The following SEC16A variants were observed in gnomAD, a reference collection of about 807,000 sequenced individuals.
SEC16A encodes the protein SEC16 homolog A, endoplasmic reticulum export factor.
SEC16A carries 110 observed loss-of-function variants against 221.9 expected under a neutral mutation model. The observed-to-expected ratio is 0.50, with a 90% CI of 0.42 to 0.58. The LOEUF is 0.58. SEC16A is among the 20% of genes least tolerant of loss of function. The pLI is 0.00. For missense variants in SEC16A, 3,165 were observed against 3,097.8 expected (o/e 1.02, Z -0.52); for synonymous variants, 1,393 against 1,257.7 (o/e 1.11, Z -2.28).
upstream of SEC16A, chr9:136,483,135 C>A: frequency 3.8e-6 from 2 of 533,174 alleles, no homozygotes; most frequent in Non-Finnish European, 4.8e-6. Flanking sequence ...GCTCGTCGGC[C>A]CAGACGCGTT....
At position 136,474,422 on chromosome 9, in the gene SEC16A, TG is replaced by T; in HGVS notation, c.3193del (p.Gln1065SerfsTer399). 2 of 1,613,052 alleles carry T rather than the reference TG, an allele frequency of 1.2e-6. No homozygotes were observed. The highest frequency in any genetic ancestry group is 1.7e-6 in the Non-Finnish European group (2 of 1,179,904). On this transcript the variant is annotated frameshift_variant, in exon 3 of 32. Transcript: ENST00000684901. LOFTEE classifies it high-confidence loss of function. ...TAGTTGTGGGGGAGAAGCCTGTTGC[TG>T]GGGTGGCACCAGCTCCTGCTGGGCT... ...ERAQQELVPP[Q>X]QQASPPQLPK... is the part of the protein sequence containing the mutation.
In SEC16A at chr9:136,475,945, TTCA is replaced by T; in HGVS notation, c.1668_1670del (p.Asp556del). 1 of 1,613,656 alleles carries T rather than the reference TTCA, an allele frequency of 6.2e-7. No homozygotes were observed. The highest frequency in any genetic ancestry group is 8.5e-7 in the Non-Finnish European group (1 of 1,179,876). ...TTTGCTTAAAAAAACTACCTGAAGCTTCATCCTCGGGTTTTCCAACTTCTTGCT... is the reference window on the plus strand; with the variant it reads ...TTTGCTTAAAAAAACTACCTGAAGCTTCCTCGGGTTTTCCAACTTCTTGCT... On this transcript the variant is annotated inframe_deletion, in exon 3 of 32. Coordinates refer to ENST00000684901, the MANE Select transcript of SEC16A (RefSeq NM_014866.2). The surrounding 1 kb of genome is among the most constrained non-coding windows in gnomAD (Gnocchi z 5.0).
At chr9:136,471,284 T>G (rs1264181735) in intron 4 of SEC16A, among the ~76,000 whole-genome samples, 2 of 150,286 alleles carry the variant, frequency 1.3e-5, no homozygotes, top group African/African-American at 2.4e-5. Flanking sequence ...CTGGCCAACA[T>G]AGTGAGACCC....
chr9:136,479,619 T>C (rs941685570), intron 1 of SEC16A, among the ~76,000 whole-genome samples: 7 of 152,186 alleles, frequency 4.6e-5, no homozygotes, highest in African/African-American at 1.4e-4. Context: ...CCCAAAGTGC[T>C]GGGATTACAG....
At position 136,459,503 on chromosome 9, in the gene SEC16A, C is replaced by T. The variant is rs769057856; in HGVS notation, c.5244G>A (p.Ala1748=). The T allele has an allele frequency of 1.2e-5, 19 of 1,607,434 alleles. No homozygotes were observed. Among genetic ancestry groups the T allele is most frequent in the South Asian group, 7.8e-5 (7 of 89,844 alleles). Residue 1748 remains alanine (A), a synonymous_variant, in exon 16 of 32, where the codon GCG becomes GCA. Transcript: ENST00000684901. The surrounding 1 kb of genome is among the most constrained non-coding windows in gnomAD (Gnocchi z 6.1). The stretch of plus-strand genomic sequence containing the variant: ...TTTTCTTCGTGTAAACACCAAATCC[C>T]GCCTGGGCCATGAGGTAGCAGAAGT... The part of the protein sequence containing the change: ...AAHFCYLMAQ[A]GFGVYTKKTT...
Position 136,455,748 on chromosome 9 carries a change from A to T in SEC16A, c.5710T>A (p.Cys1904Ser). Reference sequence around the variant, plus strand: ...ATCTCGGAACTCGGAGTGCCAGGACACTGCTGCGGGAGGGCTCCATCCTGA... The same window carrying T: ...ATCTCGGAACTCGGAGTGCCAGGACTCTGCTGCGGGAGGGCTCCATCCTGA... ...WHQDGALPQQCPGTPSSEMEQ... is the reference protein window; with the variant it reads ...WHQDGALPQQSPGTPSSEMEQ... Residue 1904 changes from cysteine to serine, a missense_variant, in exon 20 of 32, where the codon TGT becomes AGT. Coordinates refer to ENST00000684901, the MANE Select transcript of SEC16A (RefSeq NM_014866.2). 1 of 1,600,108 alleles carries T rather than the reference A, an allele frequency of 6.2e-7. No homozygotes were observed. The highest frequency in any genetic ancestry group is 8.5e-7 in the Non-Finnish European group (1 of 1,173,702).
At chr9:136,481,775 C>G (rs144173752) in intron 1 of SEC16A, among the ~76,000 whole-genome samples, 11 of 152,254 alleles carry the variant, frequency 7.2e-5, no homozygotes, top group African/African-American at 2.6e-4. Context: ...GGATGCTTGA[C>G]ACAAAGACAT....
At position 136,476,944 on chromosome 9, in the gene SEC16A, G is replaced by C; in HGVS notation, c.672C>G (p.Pro224=). ...GGCAGGGTGAACGATGTTGCCCCGA[G>C]GGCTGTGGGCCTCCCTGCACTGGCC... The part of the protein sequence containing the change: ...QWGPVQGGPQ[P]SGQHRSPCPE... Residue 224 remains proline, a synonymous_variant, in exon 3 of 32, where the codon CCC becomes CCG. Transcript: ENST00000684901. 2 of 1,612,700 alleles carry C rather than the reference G, an allele frequency of 1.2e-6. No homozygotes were observed. Among genetic ancestry groups the C allele is most frequent in the Non-Finnish European group, 1.7e-6 (2 of 1,179,748 alleles).
rs371893914 is a variant in SEC16A at position 136,466,017 on chromosome 9, G to C, written c.4248C>G (p.Pro1416=). ...CAGGGTAGCCATACTCTGGGAAGCC[G>C]GGGCCACTGCTGAAATTGCTGCGGT... ...GTYRSNFSSG[P]GFPEYGYPAD... Residue 1416 remains proline, a synonymous_variant, in exon 8 of 32, where the codon CCC becomes CCG. Transcript: ENST00000684901. The surrounding 1 kb of genome is among the most constrained non-coding windows in gnomAD (Gnocchi z 5.5). 6.2e-7 allele frequency: 1 copy of C among 1,613,668 alleles called. No homozygotes were observed. Among genetic ancestry groups the C allele is most frequent in the Non-Finnish European group, 8.5e-7 (1 of 1,179,856 alleles).
chr9:136,452,721 G>GCGC (rs1425168192), intron 22 of SEC16A, among the ~76,000 whole-genome samples: 45 of 146,378 alleles, frequency 3.1e-4, no homozygotes, highest in African/African-American at 1.0e-3. Flanking sequence ...GGCCAAGATG[G>GCGC]CGCCACTGCA....
At chr9:136,469,794 G>A (rs1336658616) in intron 4 of SEC16A, among the ~76,000 whole-genome samples, 2 of 152,198 alleles carry the variant, frequency 1.3e-5, no homozygotes, top group Non-Finnish European at 2.9e-5. Flanking sequence ...TTGGCTGCTC[G>A]GTTGGCGCAG....
At position 136,447,808 on chromosome 9, in the gene SEC16A, T is replaced by A; in HGVS notation, c.6447+45A>T. 1 of 1,580,520 alleles carries A rather than the reference T, an allele frequency of 6.3e-7. No homozygotes were observed. The highest frequency in any genetic ancestry group is 8.7e-7 in the Non-Finnish European group (1 of 1,155,004). The stretch of plus-strand genomic sequence containing the variant: ...CACAGGGCCACATGAGGCTGTTCCC[T>A]CCACTCACACCTCACACCCAACAGG... On this transcript the variant is annotated intron_variant, in intron 25 of 31. Transcript: ENST00000684901. This position sits in a 1 kb window ranked among gnomAD's most constrained non-coding sequence, Gnocchi z 5.5.
Position 136,476,921 on chromosome 9 carries a change from C to A in SEC16A, c.695G>T (p.Cys232Phe). The change falls in exon 3 of 32, where the codon TGC becomes TTC. Residue 232 changes from cysteine (C) to phenylalanine (F), a missense_variant. Physicochemically the swap from Cys to Phe is radical, Grantham distance 205 (BLOSUM62 -2). Transcript: ENST00000684901. ...PQPSGQHRSP[C>F]PEGPVPSGVP... The stretch of plus-strand genomic sequence containing the variant: ...CCCGCTGGGAACAGGTCCTTCAGGG[C>A]AGGGTGAACGATGTTGCCCCGAGGG... The A allele has an allele frequency of 1.2e-6, 2 of 1,611,930 alleles. No individual in the cohort carries two copies. The highest frequency in any genetic ancestry group is 1.1e-5 in the South Asian group (1 of 91,060).
intron 3 of SEC16A, among the ~76,000 whole-genome samples, chr9:136,473,193 CT>C (rs1325730808): frequency 1.3e-5 from 2 of 152,266 alleles, no homozygotes; most frequent in East Asian, 3.8e-4. Flanking sequence ...CCCCTTCTGA[CT>C]GCAAGGCCTT....
At chr9:136,454,374 T>C (rs1330949724) in intron 20 of SEC16A, 47 bp from the exon 21 acceptor site, 4 of 1,506,328 alleles carry the variant, frequency 2.7e-6, no homozygotes, top group South Asian at 1.2e-5. Flanking sequence ...TGAGGGTAGC[T>C]TGAGTTACTG....
Position 136,473,655 on chromosome 9 carries a change from C to G in SEC16A, c.3567+394G>C, listed in dbSNP as rs192393585. Among the ~76,000 whole-genome samples, 7 of 152,354 alleles carry G rather than the reference C, an allele frequency of 4.6e-5. No homozygotes were observed. In the South Asian group the frequency reaches 1.4e-3, roughly 32 times the overall value. ...CTATGGTTATACCCAATGCTTCTGA[C>G]GTAAGCTTCCAGAGGCTAGCCCAGC... is the stretch of plus-strand genomic sequence containing the variant. On this transcript the variant is annotated intron_variant, in intron 3 of 31. Transcript: ENST00000684901.
At chr9:136,449,555 AT>A (rs1837499657) in intron 23 of SEC16A, among the ~76,000 whole-genome samples, 2 of 151,276 alleles carry the variant, frequency 1.3e-5, no homozygotes, top group African/African-American at 4.9e-5. Flanking sequence ...GACTCCCAGA[AT>A]GCTGGGGTGA....
At position 136,468,415 on chromosome 9, in the gene SEC16A, C is replaced by T. The variant is rs758728611; in HGVS notation, c.3802G>A (p.Asp1268Asn). 3 of 1,604,286 alleles carry T rather than the reference C, an allele frequency of 1.9e-6. No homozygotes were observed. Among genetic ancestry groups the T allele is most frequent in the African/African-American group, 1.3e-5 (1 of 74,690 alleles). Reference protein sequence around the residue: ...SYYSSQYDYGDPGHWDRYHYS... With the variant: ...SYYSSQYDYGNPGHWDRYHYS... ...AGCTGCTTGGAGTTCCTTGACATAC[C>T]TCCATAATCGTACTGGCTGGAGTAA... The change falls in exon 5 of 32, where the codon GAT becomes AAT. Residue 1268 changes from aspartate to asparagine, a missense_variant and splice_region_variant. By Grantham distance (23) the Asp-to-Asn change is conservative (BLOSUM62 1). Transcript: ENST00000684901.
chr9:136,480,487 T>C (rs1256337574), intron 1 of SEC16A, among the ~76,000 whole-genome samples: 1 of 152,196 alleles, frequency 6.6e-6, no homozygotes, highest in African/African-American at 2.4e-5. Context: ...AATGTATTTT[T>C]GTCTATAAAA....
Sources: allele counts gnomAD v4.1 joint callset (sites outside exome capture counted in the v4.1 genomes callset), GRCh38; gene constraint gnomAD v4.1.1; non-coding constraint Gnocchi (gnomAD v3.1); transcripts MANE v1.5; gene names NCBI Gene and HGNC (gene_info 2026-07-23, HGNC 2026-07-21).